The following SLC9A4 variants were observed in gnomAD, a reference collection of about 807,000 sequenced individuals.
SLC9A4 encodes solute carrier family 9 member A4.
In SLC9A4, 63 loss-of-function variants were observed where a neutral mutation model predicts 67.4. The observed-to-expected ratio is 0.93, with a 90% CI of 0.76 to 1.15. The LOEUF (loss-of-function observed/expected upper bound fraction) is 1.15, where lower values mean the gene tolerates loss of function less well. SLC9A4 is among the 50% of genes most tolerant of loss of function. The pLI, the probability that SLC9A4 is intolerant of heterozygous loss-of-function variation, is 0.00. For missense variants in SLC9A4, 1,089 were observed against 987.7 expected (o/e 1.10, Z -1.38); for synonymous variants, 393 against 367.2 (o/e 1.07, Z -0.80).
intron 2 of SLC9A4, among the ~76,000 whole-genome samples, chr2:102,494,848 A>G (rs1684773293): frequency 6.6e-6 from 1 of 152,160 alleles, no homozygotes; most frequent in Non-Finnish European, 1.5e-5. Flanking sequence ...TTAAAAATTG[A>G]CAAATTGAAA....
chr2:102,484,729 A>G (rs1351496960), intron 2 of SLC9A4, among the ~76,000 whole-genome samples: 3 of 152,174 alleles, frequency 2.0e-5, no homozygotes, highest in Non-Finnish European at 4.4e-5. Context: ...GAGGCCACCA[A>G]GCTTTCTATC....
intron 9 of SLC9A4, among the ~76,000 whole-genome samples, chr2:102,524,308 G>A (rs1045042044): frequency 6.6e-6 from 1 of 152,170 alleles, no homozygotes; most frequent in African/African-American, 2.4e-5. Flanking sequence ...TGGACCTTTA[G>A]TGAGCACCAG....
chr2:102,501,568 G>A (rs2075193), intron 2 of SLC9A4, among the ~76,000 whole-genome samples: 117,602 of 151,826 alleles, frequency 0.77, 46,756 homozygotes, highest in African/African-American at 0.93. Flanking sequence ...TTTTATAATG[G>A]AGGTGATGTT....
At chr2:102,496,587 G>T (rs2104427023) in intron 2 of SLC9A4, among the ~76,000 whole-genome samples, 1 of 152,348 alleles carries the variant, frequency 6.6e-6, no homozygotes, top group Middle Eastern at 3.4e-3. Flanking sequence ...ATATGGTGGA[G>T]CACTATGCCA....
In SLC9A4 at chr2:102,528,387, A is replaced by C. The variant is rs1366790004; in HGVS notation, c.2038+2041A>C. Among the ~76,000 whole-genome samples, 4 of 150,800 alleles carry C rather than the reference A, an allele frequency of 2.7e-5. No homozygotes were observed. The Middle Eastern group carries it at 0.01, about 387-fold the overall frequency. On this transcript the variant is annotated intron_variant, in intron 11 of 11. Coordinates refer to ENST00000295269, the MANE Select transcript of SLC9A4 (RefSeq NM_001011552.4). ...TTGTTATTTGAGTGAGAAAACAAGA[A>C]AGTGTCACAGTTCTTTCTTTTTTTT... is the stretch of plus-strand genomic sequence containing the variant.
chr2:102,492,455 C>T (rs182670707), intron 2 of SLC9A4, among the ~76,000 whole-genome samples: 3 of 152,218 alleles, frequency 2.0e-5, no homozygotes, highest in African/African-American at 7.2e-5. Context: ...ACCCACAGGC[C>T]CAACACCATG....
chr2:102,510,494 C>T (rs948011419), intron 6 of SLC9A4, among the ~76,000 whole-genome samples: 8 of 152,172 alleles, frequency 5.3e-5, no homozygotes, highest in African/African-American at 1.9e-4. Flanking sequence ...TAAGACATTT[C>T]AACTGAATCA....
chr2:102,479,126 C>A lies in SLC9A4; in HGVS notation c.544C>A (p.Gln182Lys), dbSNP rs767969276. The A allele has an allele frequency of 3.7e-6, 6 of 1,614,176 alleles. No homozygotes were observed. Among genetic ancestry groups the A allele is most frequent in the Admixed American group, 1.7e-5 (1 of 60,026 alleles). The change falls in exon 2 of 12, where the codon CAG becomes AAG. Residue 182 changes from glutamine to lysine, a missense_variant. Gln to Lys is a moderately conservative substitution (Grantham distance 53). Coordinates refer to ENST00000295269, the MANE Select transcript of SLC9A4 (RefSeq NM_001011552.4). ...TGGCCTCTCCCTCTACCTCATCTGCCAGGTGAAGGCCTTTGGCCTGGGCGA... is the reference window on the plus strand; with the variant it reads ...TGGCCTCTCCCTCTACCTCATCTGCAAGGTGAAGGCCTTTGGCCTGGGCGA... ...GIGLSLYLICQVKAFGLGDVN... is the reference protein window; with the variant it reads ...GIGLSLYLICKVKAFGLGDVN...
chr2:102,532,330 A>T lies in SLC9A4; in HGVS notation c.2039A>T (p.Asp680Val). Residue 680 changes from aspartate to valine, a missense_variant and splice_region_variant, in exon 12 of 12, where the codon GAT becomes GTT. Transcript: ENST00000295269. ...GRDTRAAGFS[D>V]DDSSDPGSPS... ...CCTTCTTGCCATGATGTTTTCCTAGATGATGACAGCAGTGATCCAGGATCC... is the reference window on the plus strand; with the variant it reads ...CCTTCTTGCCATGATGTTTTCCTAGTTGATGACAGCAGTGATCCAGGATCC... The T allele has an allele frequency of 6.2e-7, 1 of 1,609,370 alleles. No individual in the cohort carries two copies. Among genetic ancestry groups the T allele is most frequent in the South Asian group, 1.1e-5 (1 of 90,788 alleles).
rs370802792 is a variant in SLC9A4 at position 102,475,470 on chromosome 2, G to A, written c.256+1455G>A. ...GTAAACATCTAAACGCAGAAAGGCTGCATTTTGTCTTGGTTTTATATTTGT... is the reference window on the plus strand; with the variant it reads ...GTAAACATCTAAACGCAGAAAGGCTACATTTTGTCTTGGTTTTATATTTGT... On this transcript the variant is annotated intron_variant, in intron 1 of 11. Coordinates refer to ENST00000295269, the MANE Select transcript of SLC9A4 (RefSeq NM_001011552.4). Among the ~76,000 whole-genome samples, 5 of 152,318 alleles carry A rather than the reference G, an allele frequency of 3.3e-5. No individual in the cohort carries two copies. The East Asian group carries it at 7.7e-4, about 23-fold the overall frequency.
At chr2:102,496,161 T>G (rs956695199) in intron 2 of SLC9A4, among the ~76,000 whole-genome samples, 1 of 152,208 alleles carries the variant, frequency 6.6e-6, no homozygotes, top group African/African-American at 2.4e-5. Flanking sequence ...TAATTTTAAA[T>G]AATTTTAGTT....
intron 2 of SLC9A4, among the ~76,000 whole-genome samples, chr2:102,497,588 T>C (rs995988907): frequency 6.6e-6 from 1 of 152,122 alleles, no homozygotes; most frequent in Non-Finnish European, 1.5e-5. Context: ...AAAAAAGGAG[T>C]TCATAATTTA....
intron 8 of SLC9A4, among the ~76,000 whole-genome samples, chr2:102,519,374 G>A (rs1204061242): frequency 6.6e-6 from 1 of 152,200 alleles, no homozygotes; most frequent in Admixed American, 6.5e-5. Context: ...GTGGTGTGTA[G>A]ATGGTATTAA....
At chr2:102,477,823 C>A (rs750005008) in intron 1 of SLC9A4, among the ~76,000 whole-genome samples, 2 of 152,168 alleles carry the variant, frequency 1.3e-5, no homozygotes, top group Non-Finnish European at 2.9e-5. Context: ...GTGTGGGAGA[C>A]AGACTTGGAG....
At chr2:102,474,110 A>C in intron 1 of SLC9A4, 95 bp downstream of exon 1, 1 of 1,392,372 alleles carries the variant, frequency 7.2e-7, no homozygotes, top group African/African-American at 1.4e-5. Context: ...GAGGATTTTA[A>C]CTGTTACTGC....
rs1685025615 is a variant in SLC9A4 at position 102,505,236 on chromosome 2, A to C, written c.981-18A>C. On this transcript the variant is annotated intron_variant, in intron 3 of 11. Transcript: ENST00000295269. ...GAAAACCTCATGGATTTTCTCTGAG[A>C]CTCTGCTCCTTTTATAGAATCACAG... 1 of 1,609,958 alleles carries C rather than the reference A, an allele frequency of 6.2e-7. No homozygotes were observed. The highest frequency in any genetic ancestry group is 1.3e-5 in the African/African-American group (1 of 75,004).
intron 9 of SLC9A4, among the ~76,000 whole-genome samples, chr2:102,522,288 C>T (rs1685442428): frequency 2.0e-5 from 3 of 152,064 alleles, no homozygotes; most frequent in African/African-American, 7.2e-5. Flanking sequence ...ATAGTTAATA[C>T]ACATCTAGAA....
chr2:102,523,792 C>T (rs1417883771), intron 9 of SLC9A4, among the ~76,000 whole-genome samples: 1 of 152,308 alleles, frequency 6.6e-6, no homozygotes, highest in South Asian at 2.1e-4. Flanking sequence ...GGCTCTTTTC[C>T]AGCACATCCT....
chr2:102,473,735 G>T lies in SLC9A4; in HGVS notation c.-25G>T. ...ATGTGTGGCACACATCCACACAGGGGTGTAGGTAGGAGAAGCCCACAGGAA... is the reference window on the plus strand; with the variant it reads ...ATGTGTGGCACACATCCACACAGGGTTGTAGGTAGGAGAAGCCCACAGGAA... On this transcript the variant is annotated 5_prime_UTR_variant, in exon 1 of 12. Transcript: ENST00000295269. 6.8e-6 allele frequency: 11 copies of T among 1,611,730 alleles called. No homozygotes were observed. Among genetic ancestry groups the T allele is most frequent in the South Asian group, 2.2e-5 (2 of 90,948 alleles).
Sources: allele counts gnomAD v4.1 joint callset (sites outside exome capture counted in the v4.1 genomes callset), GRCh38; gene constraint gnomAD v4.1.1; transcripts MANE v1.5; gene names NCBI Gene and HGNC (gene_info 2026-07-23, HGNC 2026-07-21).